CARD8: variants seen among roughly 807,000 people sequenced by gnomAD.
The protein encoded by CARD8 is caspase recruitment domain family member 8.
A neutral mutation model predicts 53.2 loss-of-function variants in CARD8; 38 were observed. That is an observed-to-expected ratio of 0.71 (90% confidence interval 0.55 to 0.94). The LOEUF is 0.94. Among genes scored for constraint, CARD8 ranks in the 40% least tolerant of loss-of-function variants. CARD8 has a pLI of 0.00. For synonymous variants in CARD8, 245 were observed against 244.9 expected (o/e 1.00, Z 0.00); for missense variants, 561 against 655.5 (o/e 0.86, Z 1.57).
chr19:48,207,321 A>G (rs1259056952), downstream of CARD8, among the ~76,000 whole-genome samples: 1 of 152,202 alleles, frequency 6.6e-6, no homozygotes, highest in Non-Finnish European at 1.5e-5. Context: ...GAGCAGGATA[A>G]GGTAGTATAC....
chr19:48,242,710 C>T (rs554920017), intron 3 of CARD8: 26 of 152,314 alleles, frequency 1.7e-4, no homozygotes, highest in African/African-American at 5.8e-4. Flanking sequence ...TTATTTCCTT[C>T]TCTTGGGTAC....
intron 10 of CARD8, 126 bp from the exon 11 acceptor site, chr19:48,221,981 A>C (rs1336445732): frequency 1.1e-5 from 7 of 653,652 alleles, no homozygotes; most frequent in Non-Finnish European, 1.7e-5. Flanking sequence ...ATAAAGATTA[A>C]GGTATTCAAC....
downstream of CARD8, among the ~76,000 whole-genome samples, chr19:48,207,740 T>TTTTTTTTGTTTTTG (rs2037446593): frequency 1.0e-5 from 1 of 96,764 alleles, no homozygotes; most frequent in Non-Finnish European, 2.2e-5. Flanking sequence ...TTCTGTTTTT[T>TTTTTTTTGTTTTTG]TTTTTTTTTT....
At chr19:48,247,152 C>T (rs2046256828) in intron 3 of CARD8, among the ~76,000 whole-genome samples, 1 of 152,202 alleles carries the variant, frequency 6.6e-6, no homozygotes, top group Admixed American at 6.5e-5. Context: ...GGTGAAACCC[C>T]GTCTCTACGA....
chr19:48,243,711 C>T (rs1413817020), intron 3 of CARD8, among the ~76,000 whole-genome samples: 3 of 152,158 alleles, frequency 2.0e-5, no homozygotes, highest in Non-Finnish European at 4.4e-5. Context: ...TGAAGCCAGG[C>T]ACAGTGGTTT....
chr19:48,215,025 A>T, intron 13 of CARD8: 1 of 205,256 alleles, frequency 4.9e-6, no homozygotes, highest in South Asian at 7.6e-5. Flanking sequence ...CCTGAGCTCA[A>T]GCAATCCACC....
downstream of CARD8, among the ~76,000 whole-genome samples, chr19:48,204,406 T>C (rs376011684): frequency 1.3e-5 from 2 of 152,104 alleles, no homozygotes; most frequent in African/African-American, 4.8e-5. Context: ...GGGAGTGTTT[T>C]GGTGAATTCC....
chr19:48,246,887 C>A (rs534860673), intron 3 of CARD8, among the ~76,000 whole-genome samples: 19 of 152,288 alleles, frequency 1.2e-4, no homozygotes, highest in African/African-American at 4.1e-4. Flanking sequence ...TGGATGGCAA[C>A]TTTATGGACA....
In CARD8 at chr19:48,253,362, G is replaced by C. The variant is rs530852335; in HGVS notation, c.-252+2430C>G. Among the ~76,000 whole-genome samples, 648 of 152,300 alleles carry C rather than the reference G, an allele frequency of 4.3e-3. 8 individuals carry two copies. The highest frequency in any genetic ancestry group is 0.015 in the African/African-American group (614 of 41,566). On this transcript the variant is annotated intron_variant, in intron 1 of 13. Transcript: ENST00000651546. ...AGCCTCCCAAAGTGCTGTAATTACA[G>C]GTGTGAGCCACCGTGCCTGGCCAAC...
downstream of CARD8, chr19:48,204,031 C>T (rs1277702608): frequency 1.0e-5 from 4 of 383,516 alleles, no homozygotes; most frequent in Admixed American, 9.1e-5. Flanking sequence ...GGGGTGTTTC[C>T]TTCGTCTGCT....
At chr19:48,206,985 C>T (rs1314910144), downstream of CARD8, among the ~76,000 whole-genome samples, 1 of 151,944 alleles carries the variant, frequency 6.6e-6, no homozygotes, top group East Asian at 1.9e-4. Flanking sequence ...TCACCCCTAA[C>T]CTTCTCCTCT....
chr19:48,241,011 T>G lies in CARD8; in HGVS notation c.10A>C (p.Lys4Gln), dbSNP rs1420251689. The change falls in exon 4 of 14, where the codon AAG becomes CAG. Residue 4 changes from lysine to glutamine, a missense_variant. Transcript: ENST00000651546. ...CTGCTACTCTTTTCTGGACACTCCT[T>G]TTTTTCCATTTGTCAAATGTGGTAT... is the stretch of plus-strand genomic sequence containing the variant. MEK[K>Q]ECPEKSSSSE... 1 of 1,536,020 alleles carries G rather than the reference T, an allele frequency of 6.5e-7. No homozygotes were observed. The highest frequency in any genetic ancestry group is 8.7e-7 in the Non-Finnish European group (1 of 1,146,720).
At chr19:48,229,630 A>C (rs2042461061) in intron 10 of CARD8, among the ~76,000 whole-genome samples, 1 of 152,212 alleles carries the variant, frequency 6.6e-6, no homozygotes, top group African/African-American at 2.4e-5. Flanking sequence ...GAAGGACAGA[A>C]GTGGGACTTT....
downstream of CARD8, among the ~76,000 whole-genome samples, chr19:48,207,273 T>C (rs2037393058): frequency 6.6e-6 from 1 of 152,148 alleles, no homozygotes; most frequent in African/African-American, 2.4e-5. Context: ...TTTTACTCTT[T>C]AAGCCACTGA....
At chr19:48,242,577 T>G (rs1600634613) in intron 3 of CARD8, 1 of 152,242 alleles carries the variant, frequency 6.6e-6, no homozygotes, top group Non-Finnish European at 1.5e-5. Flanking sequence ...TTCCACCGTA[T>G]GGAGACATCA....
chr19:48,248,736 T>C (rs542945055), intron 3 of CARD8, among the ~76,000 whole-genome samples: 59 of 152,294 alleles, frequency 3.9e-4, no homozygotes, highest in Admixed American at 6.5e-4. Context: ...AGAAAATGCA[T>C]ATAAAAAGTC....
downstream of CARD8, chr19:48,203,955 T>C (rs570665473): frequency 1.7e-5 from 5 of 299,092 alleles, no homozygotes; most frequent in East Asian, 1.2e-4. Flanking sequence ...GTCCCTTTGC[T>C]GAGTGTGAGG....
At chr19:48,225,898 C>A (rs1056772123) in intron 10 of CARD8, among the ~76,000 whole-genome samples, 1 of 151,890 alleles carries the variant, frequency 6.6e-6, no homozygotes, top group Non-Finnish European at 1.5e-5. Context: ...ACTAAAAATA[C>A]GAAAATTAGC....
rs2146191226 is a variant in CARD8 at position 48,230,595 on chromosome 19, C to T, written c.878G>A (p.Ser293Asn). Reference sequence around the variant, plus strand: ...GATGCCCATCAGAGAGAAGCTGGGGCTTTCCAGGACAGCATAGAAAGGCTC... The same window carrying T: ...GATGCCCATCAGAGAGAAGCTGGGGTTTTCCAGGACAGCATAGAAAGGCTC... Reference protein sequence around the residue: ...RVEPFYAVLESPSFSLMGILL... With the variant: ...RVEPFYAVLENPSFSLMGILL... Residue 293 changes from serine to asparagine, a missense_variant, in exon 10 of 14, where the codon AGC becomes AAC. Ser to Asn is a conservative substitution (Grantham distance 46). Transcript: ENST00000651546. The T allele has an allele frequency of 6.2e-7, 1 of 1,614,150 alleles. No individual in the cohort carries two copies. Among genetic ancestry groups the T allele is most frequent in the Non-Finnish European group, 8.5e-7 (1 of 1,180,032 alleles).
Sources: gnomAD v4.1 joint callset for allele counts (sites outside exome capture counted in the v4.1 genomes callset) on GRCh38, gnomAD v4.1.1 for gene constraint, MANE v1.5 for transcripts, NCBI Gene and HGNC (gene_info 2026-07-23, HGNC 2026-07-21) for gene names.